The following PRKCE variants were observed in gnomAD, a reference collection of about 807,000 sequenced individuals.
PRKCE encodes the protein protein kinase C epsilon type.
Under a neutral mutation model 85.4 loss-of-function variants are expected in PRKCE, and 16 were observed. The observed-to-expected ratio is 0.19, with a 90% CI of 0.13 to 0.28. The LOEUF is 0.28. Among genes scored for constraint, PRKCE ranks in the 10% least tolerant of loss-of-function variants. PRKCE has a pLI of 1.00. For missense variants in PRKCE, 573 were observed against 975.2 expected, an observed-to-expected ratio of 0.59 and a Z score of 5.49; for synonymous variants, 388 against 371.5, an observed-to-expected ratio of 1.04 and a Z score of -0.51.
chr2:46,165,980 C>G (rs1346891980), intron 14 of PRKCE, among the ~76,000 whole-genome samples: 1 of 152,206 alleles, frequency 6.6e-6, no homozygotes, highest in African/African-American at 2.4e-5. Context: ...GGTAAGGCCT[C>G]CAGAGTGGGG....
At chr2:46,128,101 T>G (rs986145910) in intron 11 of PRKCE, among the ~76,000 whole-genome samples, 1 of 152,232 alleles carries the variant, frequency 6.6e-6, no homozygotes, top group African/African-American at 2.4e-5. Flanking sequence ...AGGTTACAAT[T>G]CCTGGACAAA....
chr2:45,990,449 G>C (rs1218365863), intron 6 of PRKCE, among the ~76,000 whole-genome samples: 2 of 152,114 alleles, frequency 1.3e-5, no homozygotes, highest in Non-Finnish European at 2.9e-5. Flanking sequence ...TATGAGGCAG[G>C]GGCAATCAGG....
chr2:46,123,039 T>A (rs1282715257), intron 11 of PRKCE, among the ~76,000 whole-genome samples: 1 of 150,704 alleles, frequency 6.6e-6, no homozygotes, highest in African/African-American at 2.4e-5. Flanking sequence ...CTTTACCAGA[T>A]CACCTTGGTC....
In PRKCE at chr2:46,068,738, G is replaced by A. The variant is rs1667832263; in HGVS notation, c.1438-17470G>A. ...GATAGGAAATGCCTGGCATGTAGAC[G>A]GGAGAGACTTGGAGCAGTTGCCCAA... On this transcript the variant is annotated intron_variant, in intron 10 of 14. Transcript: ENST00000306156. The surrounding 1 kb of genome is among the most constrained non-coding windows in gnomAD (Gnocchi z 4.3). 2.0e-5 allele frequency among the ~76,000 whole-genome samples: 3 copies of A among 152,214 alleles called. No individual in the cohort carries two copies. The highest frequency in any genetic ancestry group is 1.9e-4 in the East Asian group (1 of 5,204).
intron 10 of PRKCE, among the ~76,000 whole-genome samples, chr2:46,070,665 C>G (rs781742064): frequency 6.6e-6 from 1 of 151,490 alleles, no homozygotes; most frequent in Non-Finnish European, 1.5e-5. Context: ...AAAACAAAAA[C>G]AAAGGTGGCA....
chr2:45,682,924 G>A (rs1387836632), intron 1 of PRKCE, among the ~76,000 whole-genome samples: 1 of 152,116 alleles, frequency 6.6e-6, no homozygotes, highest in South Asian at 2.1e-4. Context: ...GCATATAGTA[G>A]GCAAGAAATA....
At chr2:45,963,170 T>G (rs560154283) in intron 2 of PRKCE, among the ~76,000 whole-genome samples, 1 of 152,260 alleles carries the variant, frequency 6.6e-6, no homozygotes, top group East Asian at 1.9e-4. Context: ...GCTCGTTTCC[T>G]GATCAGTAGG....
chr2:46,169,689 C>A (rs1191473726), intron 14 of PRKCE, among the ~76,000 whole-genome samples: 4 of 152,162 alleles, frequency 2.6e-5, no homozygotes, highest in Non-Finnish European at 5.9e-5. Context: ...CGCACTCCGT[C>A]CCCCCTAGCG....
At chr2:45,956,285 T>G (rs2711305) in intron 2 of PRKCE, among the ~76,000 whole-genome samples, 86,925 of 152,118 alleles carry the variant, frequency 0.57, 26,560 homozygotes, top group African/African-American at 0.8. Context: ...ATAGATATTT[T>G]CATACAGGTT....
chr2:46,004,497 A>G lies in PRKCE; in HGVS notation c.967-45A>G, dbSNP rs1288650652. 3 of 1,468,348 alleles carry G rather than the reference A, an allele frequency of 2.0e-6. No homozygotes were observed. Among genetic ancestry groups the G allele is most frequent in the Admixed American group, 2.0e-5 (1 of 51,230 alleles). 91.0% of individuals were successfully genotyped at this position (1,468,348 alleles called of 1,614,324 possible). On this transcript the variant is annotated intron_variant, in intron 7 of 14. Coordinates refer to ENST00000306156, the MANE Select transcript of PRKCE (RefSeq NM_005400.3). The surrounding 1 kb of genome is among the most constrained non-coding windows in gnomAD (Gnocchi z 4.1). ...TGCTTTTGACATCAGAAAACTCTCA[A>G]CCCTCCCTTCTGATGCCTCTGTCCC...
chr2:46,043,073 G>A (rs181821483), intron 10 of PRKCE, among the ~76,000 whole-genome samples: 3 of 150,774 alleles, frequency 2.0e-5, no homozygotes, highest in East Asian at 3.9e-4. Flanking sequence ...CATTTGAAGT[G>A]GGAAAACTTT....
chr2:46,127,645 T>C (rs1191523584), intron 11 of PRKCE, among the ~76,000 whole-genome samples: 1 of 152,250 alleles, frequency 6.6e-6, no homozygotes, highest in South Asian at 2.1e-4. Flanking sequence ...AGTTCTGAGT[T>C]GGTAAATCTT....
At chr2:45,893,812 C>T (rs773154976) in intron 2 of PRKCE, among the ~76,000 whole-genome samples, 8 of 152,280 alleles carry the variant, frequency 5.3e-5, no homozygotes, top group Non-Finnish European at 1.2e-4. Flanking sequence ...CCCAACTATG[C>T]GGTGAGCTCC....
intron 2 of PRKCE, among the ~76,000 whole-genome samples, chr2:45,923,260 G>A (rs570915746): frequency 6.6e-6 from 1 of 152,320 alleles, no homozygotes; most frequent in East Asian, 1.9e-4. Flanking sequence ...CCCTGGTATT[G>A]TGACACATAT....
chr2:45,743,947 A>C (rs1682798757), intron 1 of PRKCE, among the ~76,000 whole-genome samples: 1 of 150,308 alleles, frequency 6.7e-6, no homozygotes, highest in Admixed American at 6.6e-5. Flanking sequence ...TACAGGAAGG[A>C]GCCTGCCTCC....
chr2:45,821,670 G>A (rs983904747), intron 1 of PRKCE, among the ~76,000 whole-genome samples: 5 of 152,230 alleles, frequency 3.3e-5, no homozygotes, highest in African/African-American at 9.6e-5. Context: ...AGGGGAGCCC[G>A]GCCTGAGCAT....
At position 46,092,547 on chromosome 2, in the gene PRKCE, G is replaced by C. The variant is rs550724064; in HGVS notation, c.1592+6185G>C. ...TTGTTGACCATGATGTTTATAAAAA[G>C]TCAGATAAGAATCAAGAGCAAGGAA... On this transcript the variant is annotated intron_variant, in intron 11 of 14. Coordinates refer to ENST00000306156, the MANE Select transcript of PRKCE (RefSeq NM_005400.3). 2.0e-5 allele frequency among the ~76,000 whole-genome samples: 3 copies of C among 152,294 alleles called. No individual in the cohort carries two copies. In the East Asian group the frequency reaches 5.8e-4, roughly 29 times the overall value.
chr2:46,160,489 A>T (rs1488991600), intron 14 of PRKCE, among the ~76,000 whole-genome samples: 1 of 152,228 alleles, frequency 6.6e-6, no homozygotes, highest in Non-Finnish European at 1.5e-5. Flanking sequence ...AGCGTGTGTT[A>T]TCTTAATTCT....
intron 1 of PRKCE, among the ~76,000 whole-genome samples, chr2:45,839,919 C>T (rs1691209844): frequency 6.6e-6 from 1 of 152,212 alleles, no homozygotes; most frequent in Admixed American, 6.5e-5. Flanking sequence ...AAATGCAGTT[C>T]ACCAGCACGG....
Sources: gnomAD v4.1 joint callset for allele counts (sites outside exome capture counted in the v4.1 genomes callset) on GRCh38, gnomAD v4.1.1 for gene constraint, Gnocchi (gnomAD v3.1) non-coding constraint, MANE v1.5 for transcripts, NCBI Gene and HGNC (gene_info 2026-07-23, HGNC 2026-07-21) for gene names.